The following ZNF253 variants were observed in gnomAD, a reference collection of about 807,000 sequenced individuals.
The protein encoded by ZNF253 is DNA-binding protein.
A neutral mutation model predicts 11.9 loss-of-function variants in ZNF253; 8 were observed. The observed-to-expected ratio is 0.67, with a 90% CI of 0.40 to 1.22. The LOEUF (loss-of-function observed/expected upper bound fraction) is 1.22. Among genes scored for constraint, ZNF253 ranks in the 50% most tolerant of loss-of-function variants. The pLI is 0.01. For missense variants in ZNF253, 485 were observed against 586.9 expected (o/e 0.83, Z 1.79); for synonymous variants, 194 against 194.9 (o/e 1.00, Z 0.04).
intron 1 of ZNF253, among the ~76,000 whole-genome samples, chr19:19,868,626 G>A (rs547183627): frequency 1.6e-3 from 242 of 151,922 alleles, no homozygotes; most frequent in African/African-American, 5.5e-3. Flanking sequence ...AGTGCATACA[G>A]TGTGTAAAAT....
rs1467400217 is a variant in ZNF253, at chr19:19,891,918, G to A, written c.671G>A (p.Gly224Glu). ...ACTACACATAAGAGAATTCATACCG[G>A]AGAGAAACCCTACAGATGTGAAGAA... is the stretch of plus-strand genomic sequence containing the variant. Reference protein sequence around the residue: ...NLTTHKRIHTGEKPYRCEECG... With the variant: ...NLTTHKRIHTEEKPYRCEECG... The change falls in exon 4 of 4, where the codon GGA becomes GAA. Residue 224 changes from glycine (G) to glutamate (E), a missense_variant. Transcript: ENST00000589717. 1.9e-6 allele frequency: 3 copies of A among 1,613,776 alleles called. No individual in the cohort carries two copies. Among genetic ancestry groups the A allele is most frequent in the Non-Finnish European group, 2.5e-6 (3 of 1,179,994 alleles).
intron 3 of ZNF253, among the ~76,000 whole-genome samples, chr19:19,884,260 G>A (rs771129665): frequency 1.3e-5 from 2 of 151,924 alleles, no homozygotes; most frequent in Admixed American, 6.6e-5. Context: ...GGACATCTGG[G>A]TTGCTTCAGC....
intron 1 of ZNF253, among the ~76,000 whole-genome samples, chr19:19,872,585 A>ATTATATATATATATATATATATATATTAT (rs59790297): frequency 1.9e-4 from 17 of 90,458 alleles, no homozygotes; most frequent in African/African-American, 1.0e-3. Context: ...ATATATTATT[A>ATTATATATATATATATATATATATATTAT]TATATATATA....
At chr19:19,877,418 C>T (rs2063160187) in intron 1 of ZNF253, among the ~76,000 whole-genome samples, 1 of 151,392 alleles carries the variant, frequency 6.6e-6, no homozygotes, top group Non-Finnish European at 1.5e-5. Flanking sequence ...TCTCATTGCC[C>T]AGGCTGGAGT....
intron 1 of ZNF253, among the ~76,000 whole-genome samples, chr19:19,871,454 C>G (rs1254195146): frequency 6.6e-6 from 1 of 152,184 alleles, no homozygotes; most frequent in Non-Finnish European, 1.5e-5. Flanking sequence ...CCAGGGAGTA[C>G]AGAGCCACTG....
At chr19:19,880,256 A>T in intron 3 of ZNF253, 110 bp downstream of exon 3, 1 of 720,052 alleles carries the variant, frequency 1.4e-6, no homozygotes, top group Non-Finnish European at 2.2e-6. Flanking sequence ...TCCAAAGGAA[A>T]TAGGTCCTGG....
Position 19,878,459 on chromosome 19 carries a change from T to C in ZNF253, c.4-22T>C, listed in dbSNP as rs185323620. On this transcript the variant is annotated intron_variant, in intron 1 of 3. Coordinates refer to ENST00000589717, the MANE Select transcript of ZNF253 (RefSeq NM_021047.3). ...TTCCTCTCATGCCATTTAGTAATTA[T>C]GTGTGTGTGTGTGTTTTCCAGGGAC... 65 of 1,370,754 alleles carry C rather than the reference T, an allele frequency of 4.7e-5. No individual in the cohort carries two copies. In the Admixed American group the frequency reaches 9.4e-4, roughly 20 times the overall value. The allele number at this position is 1,370,754 out of a possible 1,614,324, so 84.9% of individuals were successfully genotyped here. A position where few individuals can be genotyped will look rare whatever the true frequency, so the allele number is the denominator to read the frequency against.
chr19:19,879,973 C>A, intron 2 of ZNF253, 78 bp from the exon 3 acceptor site: 3 of 770,084 alleles, frequency 3.9e-6, no homozygotes, highest in Non-Finnish European at 5.8e-6. Flanking sequence ...TTTATCACAT[C>A]CTCTCTGCTG....
chr19:19,891,076 A>C (rs112319728), intron 3 of ZNF253, among the ~76,000 whole-genome samples: 11,903 of 151,600 alleles, frequency 0.079, 1,108 homozygotes, highest in African/African-American at 0.23. Flanking sequence ...TCCCGACCTC[A>C]TGATCCACCC....
chr19:19,879,973 C>T, intron 2 of ZNF253, 78 bp from the exon 3 acceptor site: 1 of 770,086 alleles, frequency 1.3e-6, no homozygotes, highest in Non-Finnish European at 1.9e-6. Context: ...TTTATCACAT[C>T]CTCTCTGCTG....
chr19:19,884,005 C>A (rs1320687387), intron 3 of ZNF253, among the ~76,000 whole-genome samples: 1 of 144,702 alleles, frequency 6.9e-6, no homozygotes, highest in African/African-American at 2.6e-5. Flanking sequence ...TGCAGTGAGC[C>A]AAGATCGGGC....
chr19:19,867,076 C>T (rs1027850050), intron 1 of ZNF253, among the ~76,000 whole-genome samples: 3 of 152,122 alleles, frequency 2.0e-5, no homozygotes, highest in Admixed American at 2.0e-4. Context: ...CGCGGTGGCT[C>T]ACGCCTGTAA....
At chr19:19,873,935 TAG>T (rs1379433201) in intron 1 of ZNF253, among the ~76,000 whole-genome samples, 1 of 151,656 alleles carries the variant, frequency 6.6e-6, no homozygotes, top group Non-Finnish European at 1.5e-5. Flanking sequence ...TTTTTTGAGA[TAG>T]AGTCTCTGTC....
chr19:19,887,266 C>T (rs535077881), intron 3 of ZNF253, among the ~76,000 whole-genome samples: 1 of 151,730 alleles, frequency 6.6e-6, no homozygotes, highest in African/African-American at 2.4e-5. Flanking sequence ...ACCACTCAGG[C>T]ATTCTATTTT....
At position 19,891,987 on chromosome 19, in the gene ZNF253, A is replaced by T; in HGVS notation, c.740A>T (p.Lys247Met). ...FKQSSNLTTH[K>M]KIHTGEKPYK... ...CAGTCCTCAAACCTTACTACACATA[A>T]GAAAATTCATACTGGAGAGAAACCC... Residue 247 changes from lysine (K) to methionine (M), a missense_variant, in exon 4 of 4, where the codon AAG (lysine) becomes ATG (methionine). By Grantham distance (95) the Lys-to-Met change is moderately conservative (BLOSUM62 -1). Around this residue, in one of 3 missense-constraint regions of ZNF253, gnomAD observed 232 missense variants for 321.4 expected, o/e 0.72. Transcript: ENST00000589717. 1.2e-6 allele frequency: 2 copies of T among 1,613,984 alleles called. No individual in the cohort carries two copies. The highest frequency in any genetic ancestry group is 1.7e-6 in the Non-Finnish European group (2 of 1,180,028).
chr19:19,884,270 C>A (rs1599555854), intron 3 of ZNF253, among the ~76,000 whole-genome samples: 1 of 152,022 alleles, frequency 6.6e-6, no homozygotes, highest in East Asian at 1.9e-4. Flanking sequence ...GTTGCTTCAG[C>A]CTTTTGACTT....
At chr19:19,890,283 C>T (rs1181905971) in intron 3 of ZNF253, among the ~76,000 whole-genome samples, 1 of 152,122 alleles carries the variant, frequency 6.6e-6, no homozygotes, top group East Asian at 1.9e-4. Context: ...ACAGCCATTC[C>T]TGTTTGGATT....
At position 19,880,062 on chromosome 19, in the gene ZNF253, T is replaced by G; in HGVS notation, c.142T>G (p.Ser48Ala). The change falls in exon 3 of 4, where the codon TCT (serine) becomes GCT (alanine). Residue 48 changes from serine to alanine, a missense_variant. Physicochemically the swap from Ser to Ala is moderately conservative, Grantham distance 99 (BLOSUM62 1). Coordinates refer to ENST00000589717, the MANE Select transcript of ZNF253 (RefSeq NM_021047.3). ...TTTTAATAAAACAGGTATTGTTGTC[T>G]CTAAGCCAGACCTGGTTACCTGTCT... ...RNLVFLGIVV[S>A]KPDLVTCLEQ... 1 of 1,605,906 alleles carries G rather than the reference T, an allele frequency of 6.2e-7. No individual in the cohort carries two copies. Among genetic ancestry groups the G allele is most frequent in the Non-Finnish European group, 8.5e-7 (1 of 1,176,668 alleles).
intron 1 of ZNF253, among the ~76,000 whole-genome samples, chr19:19,870,160 G>A (rs1190590972): frequency 6.6e-6 from 1 of 151,960 alleles, no homozygotes; most frequent in African/African-American, 2.4e-5. Context: ...ACTTTGAGAG[G>A]CTGAGGCAGG....
Sources: allele counts gnomAD v4.1 joint callset (sites outside exome capture counted in the v4.1 genomes callset), GRCh38; gene constraint gnomAD v4.1.1; regional missense constraint gnomAD v4.1.1; transcripts MANE v1.5; gene names NCBI Gene and HGNC (gene_info 2026-07-23, HGNC 2026-07-21).